PRR7: variants seen among roughly 807,000 people sequenced by gnomAD.
PRR7 encodes proline-rich protein 7.
PRR7 carries 8 observed loss-of-function variants against 18.5 expected under a neutral mutation model. The ratio of observed to expected loss-of-function variants is 0.43; its 90% CI spans 0.25 to 0.78. The LOEUF (loss-of-function observed/expected upper bound fraction) is 0.78, where lower values mean the gene tolerates loss of function less well. PRR7 is among the 30% of genes least tolerant of loss of function. The pLI is 0.22. For synonymous variants in PRR7, 221 were observed against 187.7 expected, an observed-to-expected ratio of 1.18 and a Z score of -1.45; for missense variants, 396 against 403.1, an observed-to-expected ratio of 0.98 and a Z score of 0.15.
upstream of PRR7, chr5:177,446,022 T>C (rs1003090015): frequency 7.1e-6 from 1 of 140,210 alleles, no homozygotes; most frequent in Non-Finnish European, 1.5e-5. This position sits in a 1 kb window ranked among gnomAD's most constrained non-coding sequence, Gnocchi z 5.3. Flanking sequence ...CTCAAACCTA[T>C]TTGTTTGGGA....
In PRR7 at chr5:177,455,718, C is replaced by G. The variant is rs1756397336; in HGVS notation, c.428-6C>G. 6.3e-7 allele frequency: 1 copy of G among 1,575,400 alleles called. No individual in the cohort carries two copies. The highest frequency in any genetic ancestry group is 1.2e-5 in the South Asian group (1 of 86,874). ...TCACCTCCTCCGACCGCCTCCCACT[C>G]CGCAGCGGAATCGGACATGTCCAAA... On this transcript the variant is annotated splice_polypyrimidine_tract_variant and splice_region_variant and intron_variant, in intron 3 of 3. Coordinates refer to ENST00000323249, the MANE Select transcript of PRR7 (RefSeq NM_030567.5). This position sits in a 1 kb window ranked among gnomAD's most constrained non-coding sequence, Gnocchi z 6.9.
rs772737417 is a variant in PRR7 at position 177,455,277 on chromosome 5, G to C, written c.210G>C (p.Pro70=). 3.3e-6 allele frequency: 5 copies of C among 1,516,978 alleles called. No homozygotes were observed. Among genetic ancestry groups the C allele is most frequent in the Non-Finnish European group, 4.4e-6 (5 of 1,140,850 alleles). The allele number at this position is 1,516,978 out of a possible 1,614,324, so 94.0% of individuals were successfully genotyped here. A position where few individuals can be genotyped will look rare whatever the true frequency, so the allele number is the denominator to read the frequency against. ...AGGGCAGTCTGGCCGGGAGCCCCCCGGGCCTGGCGCCGCCGCAGCCACCAC... is the reference window on the plus strand; with the variant it reads ...AGGGCAGTCTGGCCGGGAGCCCCCCCGGCCTGGCGCCGCCGCAGCCACCAC... ...ELEGSLAGSP[P]GLAPPQPPPH... Residue 70 remains proline, a synonymous_variant, in exon 3 of 4, where the codon CCG becomes CCC. Transcript: ENST00000323249. This position sits in a 1 kb window ranked among gnomAD's most constrained non-coding sequence, Gnocchi z 6.9.
In PRR7 at chr5:177,455,549, T is replaced by G. The variant is rs969261025; in HGVS notation, c.427+55T>G. On this transcript the variant is annotated intron_variant, in intron 3 of 3. Coordinates refer to ENST00000323249, the MANE Select transcript of PRR7 (RefSeq NM_030567.5). This position sits in a 1 kb window ranked among gnomAD's most constrained non-coding sequence, Gnocchi z 6.9. ...CCGGGCCGCCGGAAGTGGGCGGGCG[T>G]TGGAGGGCTCGCTGCTTACCCTCAG... The G allele has an allele frequency of 2.8e-6, 4 of 1,435,190 alleles. No individual in the cohort carries two copies. Among genetic ancestry groups the G allele is most frequent in the African/African-American group, 3.0e-5 (2 of 67,006 alleles). 88.9% of individuals were successfully genotyped at this position (1,435,190 alleles called of 1,614,324 possible). A position where few individuals can be genotyped will look rare whatever the true frequency, so the allele number is the denominator to read the frequency against.
At position 177,449,562 on chromosome 5, in the gene PRR7, G is replaced by A. The variant is rs1375427625; in HGVS notation, c.-325+2602G>A. Among the ~76,000 whole-genome samples, 1 of 152,226 alleles carries A rather than the reference G, an allele frequency of 6.6e-6. No homozygotes were observed. The highest frequency in any genetic ancestry group is 1.9e-4 in the East Asian group (1 of 5,200). On this transcript the variant is annotated intron_variant, in intron 1 of 3. Coordinates refer to ENST00000323249, the MANE Select transcript of PRR7 (RefSeq NM_030567.5). The surrounding 1 kb of genome is among the most constrained non-coding windows in gnomAD (Gnocchi z 4.2). ...CCCGTGGGGCCGCCTCCCCTGGGAG[G>A]TCAGATCATTATTTCCATGCCAGCT...
chr5:177,455,857 C>A lies in PRR7; in HGVS notation c.561C>A (p.Arg187=). The A allele has an allele frequency of 8.1e-6, 13 of 1,611,914 alleles. No individual in the cohort carries two copies. Among genetic ancestry groups the A allele is most frequent in the Non-Finnish European group, 1.0e-5 (12 of 1,179,722 alleles). ...YRKIVTPFLS[R]RDSAEKQEQP... is the part of the protein sequence containing the mutation. Reference sequence around the variant, plus strand: ...AGATCGTCACGCCCTTCCTGAGTCGCCGCGACAGCGCGGAGAAGCAGGAGC... The same window carrying A: ...AGATCGTCACGCCCTTCCTGAGTCGACGCGACAGCGCGGAGAAGCAGGAGC... Residue 187 remains arginine, a synonymous_variant, in exon 4 of 4, where the codon CGC becomes CGA. Coordinates refer to ENST00000323249, the MANE Select transcript of PRR7 (RefSeq NM_030567.5). This position sits in a 1 kb window ranked among gnomAD's most constrained non-coding sequence, Gnocchi z 6.9.
rs1219867729 is a variant in PRR7, at chr5:177,456,021, G to C, written c.725G>C (p.Ser242Thr). ...QADRGRRVFP[S>T]WTDSELSSRE... ...GACCGTGGCCGCCGGGTCTTCCCCAGCTGGACCGACTCAGAGCTCAGCAGC... is the reference window on the plus strand; with the variant it reads ...GACCGTGGCCGCCGGGTCTTCCCCACCTGGACCGACTCAGAGCTCAGCAGC... The change falls in exon 4 of 4, where the codon AGC becomes ACC. Residue 242 changes from serine to threonine, a missense_variant. This residue lies in a region of PRR7 where 383 missense variants were observed against 372.6 expected (regional missense o/e 1.03). Transcript: ENST00000323249. 6.3e-7 allele frequency: 1 copy of C among 1,580,190 alleles called. No homozygotes were observed.
chr5:177,446,533 G>C (rs566341194), upstream of PRR7: 2 of 152,630 alleles, frequency 1.3e-5, no homozygotes, highest in South Asian at 4.1e-4. This position sits in a 1 kb window ranked among gnomAD's most constrained non-coding sequence, Gnocchi z 5.3. Flanking sequence ...TGCATCCAGC[G>C]TGCACGACCG....
chr5:177,448,641 G>T (rs775246087), intron 1 of PRR7, among the ~76,000 whole-genome samples: 1 of 152,166 alleles, frequency 6.6e-6, no homozygotes, highest in East Asian at 1.9e-4. Context: ...CCTGTCTTTC[G>T]GGTCTTGGTA....
At chr5:177,448,473 T>C (rs1756017652) in intron 1 of PRR7, 2 of 152,236 alleles carry the variant, frequency 1.3e-5, no homozygotes, top group African/African-American at 2.4e-5. Flanking sequence ...GTGAGTGACT[T>C]GCCCAAGGTC....
rs750486660 is a variant in PRR7 at position 177,455,409 on chromosome 5, C to T, written c.342C>T (p.His114=). The part of the protein sequence containing the change: ...HGPAQPHAHA[H]PHPHHHALPH... ...CCGCGCAGCCGCACGCGCACGCGCA[C>T]CCACACCCGCACCACCACGCGCTCC... is the stretch of plus-strand genomic sequence containing the variant. The change falls in exon 3 of 4, where the codon CAC becomes CAT. Residue 114 remains histidine (H), a synonymous_variant. Coordinates refer to ENST00000323249, the MANE Select transcript of PRR7 (RefSeq NM_030567.5). The surrounding 1 kb of genome is among the most constrained non-coding windows in gnomAD (Gnocchi z 6.9). 49 of 1,502,188 alleles carry T rather than the reference C, an allele frequency of 3.3e-5. No individual in the cohort carries two copies. In the South Asian group the frequency reaches 5.4e-4, roughly 17 times the overall value. The allele number at this position is 1,502,188 out of a possible 1,614,324, so 93.1% of individuals were successfully genotyped here.
In PRR7 at chr5:177,456,257, A is replaced by G; in HGVS notation, c.*136A>G. ...ATCCCGTTTGTTACATTTTGAGGAT[A>G]ATAAAGGTGTGTGATCTGGTTTGGT... On this transcript the variant is annotated 3_prime_UTR_variant, in exon 4 of 4. Transcript: ENST00000323249. 1 of 1,139,904 alleles carries G rather than the reference A, an allele frequency of 8.8e-7. No homozygotes were observed. Among genetic ancestry groups the G allele is most frequent in the Non-Finnish European group, 1.2e-6 (1 of 851,490 alleles). The allele number at this position is 1,139,904 out of a possible 1,614,324, so 70.6% of individuals were successfully genotyped here.
intron 1 of PRR7, among the ~76,000 whole-genome samples, chr5:177,453,431 C>T (rs1001959095): frequency 7.2e-5 from 11 of 152,228 alleles, no homozygotes; most frequent in African/African-American, 2.4e-4. Context: ...AGCTATGGTT[C>T]CTGCCATTGT....
chr5:177,455,405 C>G lies in PRR7; in HGVS notation c.338C>G (p.Ala113Gly). The G allele has an allele frequency of 6.0e-6, 9 of 1,497,162 alleles. No individual in the cohort carries two copies. The highest frequency in any genetic ancestry group is 8.0e-6 in the Non-Finnish European group (9 of 1,129,916). 92.7% of individuals were successfully genotyped at this position (1,497,162 alleles called of 1,614,324 possible). A position where few individuals can be genotyped will look rare whatever the true frequency, so the allele number is the denominator to read the frequency against. The change falls in exon 3 of 4, where the codon GCG becomes GGG. Residue 113 changes from alanine to glycine, a missense_variant. Around this residue, in one of 2 missense-constraint regions of PRR7, gnomAD observed 383 missense variants for 372.6 expected, o/e 1.03. Coordinates refer to ENST00000323249, the MANE Select transcript of PRR7 (RefSeq NM_030567.5). The surrounding 1 kb of genome is among the most constrained non-coding windows in gnomAD (Gnocchi z 6.9). ...HHGPAQPHAH[A>G]HPHPHHHALP... is the part of the protein sequence containing the mutation. ...GGGCCCGCGCAGCCGCACGCGCACG[C>G]GCACCCACACCCGCACCACCACGCG...
chr5:177,446,779 C>T (rs1239029447), upstream of PRR7: 1 of 151,154 alleles, frequency 6.6e-6, no homozygotes, highest in Non-Finnish European at 1.5e-5. The surrounding 1 kb of genome is among the most constrained non-coding windows in gnomAD (Gnocchi z 5.3). Flanking sequence ...TCAGCACCCG[C>T]CGTGTACGCG....
In PRR7 at chr5:177,450,682, G is replaced by T. The variant is rs147897658; in HGVS notation, c.-324-3274G>T. Among the ~76,000 whole-genome samples the T allele has an allele frequency of 2.4e-4, 37 of 152,338 alleles. No individual in the cohort carries two copies. In the East Asian group the frequency reaches 7.1e-3, roughly 29 times the overall value. On this transcript the variant is annotated intron_variant, in intron 1 of 3. Coordinates refer to ENST00000323249, the MANE Select transcript of PRR7 (RefSeq NM_030567.5). The surrounding 1 kb of genome is among the most constrained non-coding windows in gnomAD (Gnocchi z 6.6). ...CTTCCCATCCCTGAGGGGTGAGGTG[G>T]CTCAGGTGAGCCCCAGAGGCCTTGG...
At position 177,450,080 on chromosome 5, in the gene PRR7, C is replaced by T. The variant is rs372576300; in HGVS notation, c.-325+3120C>T. On this transcript the variant is annotated intron_variant, in intron 1 of 3. Transcript: ENST00000323249. The surrounding 1 kb of genome is among the most constrained non-coding windows in gnomAD (Gnocchi z 6.6). ...TGGACCCACTCCTTGAGCCTACATCCTTGTCTGTAGAGAGAACAGCAGCCA... is the reference window on the plus strand; with the variant it reads ...TGGACCCACTCCTTGAGCCTACATCTTTGTCTGTAGAGAGAACAGCAGCCA... 3.2e-4 allele frequency among the ~76,000 whole-genome samples: 49 copies of T among 152,260 alleles called. 1 individual carries two copies. In the Middle Eastern group the frequency reaches 0.01, roughly 32 times the overall value.
At chr5:177,451,202 G>A (rs1756155795) in intron 1 of PRR7, among the ~76,000 whole-genome samples, 1 of 152,244 alleles carries the variant, frequency 6.6e-6, no homozygotes, top group Admixed American at 6.5e-5. Context: ...AGTGTGCACA[G>A]GGCAGTGTGG....
Position 177,454,972 on chromosome 5 carries a change from C to T in PRR7, c.-96C>T, listed in dbSNP as rs1756339316. 8 of 1,340,854 alleles carry T rather than the reference C, an allele frequency of 6.0e-6. No individual in the cohort carries two copies. Among genetic ancestry groups the T allele is most frequent in the Non-Finnish European group, 7.6e-6 (8 of 1,047,198 alleles). The allele number at this position is 1,340,854 out of a possible 1,614,324, so 83.1% of individuals were successfully genotyped here. On this transcript the variant is annotated 5_prime_UTR_variant, in exon 3 of 4. Coordinates refer to ENST00000323249, the MANE Select transcript of PRR7 (RefSeq NM_030567.5). The surrounding 1 kb of genome is among the most constrained non-coding windows in gnomAD (Gnocchi z 4.7). ...CCCGGCCGCGGGTCCCCGAGTGACG[C>T]TGGCGGCACCTGAGAGTGTGGCGCG...
At chr5:177,453,887 G>C (rs964198456) in intron 1 of PRR7, 69 bp from the exon 2 acceptor site, 2 of 152,278 alleles carry the variant, frequency 1.3e-5, no homozygotes, top group African/African-American at 2.4e-5. Flanking sequence ...TCTGTTCTGT[G>C]GGGGCGGTGA....
Sources: gnomAD v4.1 joint callset for allele counts (sites outside exome capture counted in the v4.1 genomes callset) on GRCh38, gnomAD v4.1.1 for gene constraint, gnomAD v4.1.1 regional missense constraint, Gnocchi (gnomAD v3.1) non-coding constraint, MANE v1.5 for transcripts, NCBI Gene and HGNC (gene_info 2026-07-23, HGNC 2026-07-21) for gene names.